TSPAN5: variants seen among roughly 807,000 people sequenced by gnomAD.
The protein encoded by TSPAN5 is tetraspanin-5.
In TSPAN5, 10 loss-of-function variants were observed where a neutral mutation model predicts 37.1. The observed-to-expected ratio is 0.27, with a 90% CI of 0.17 to 0.46. TSPAN5 has a LOEUF of 0.46. TSPAN5 is among the 20% of genes least tolerant of loss of function. The pLI is 1.00. For synonymous variants in TSPAN5, 110 were observed against 118.9 expected, an observed-to-expected ratio of 0.93 and a Z score of 0.48; for missense variants, 195 against 326.6, an observed-to-expected ratio of 0.60 and a Z score of 3.11.
intron 7 of TSPAN5, among the ~76,000 whole-genome samples, chr4:98,474,418 A>C (rs1368196084): frequency 6.6e-6 from 1 of 152,096 alleles, no homozygotes; most frequent in Non-Finnish European, 1.5e-5. Context: ...CAATGGCATG[A>C]TCTCAGCTCA....
intron 1 of TSPAN5, among the ~76,000 whole-genome samples, chr4:98,592,718 G>A (rs896716345): frequency 1.3e-5 from 2 of 150,348 alleles, no homozygotes; most frequent in Non-Finnish European, 3.0e-5. Flanking sequence ...ATAGTTTACT[G>A]AGAATGATGG....
intron 1 of TSPAN5, among the ~76,000 whole-genome samples, chr4:98,550,850 C>T (rs867765492): frequency 1.3e-5 from 2 of 152,054 alleles, no homozygotes; most frequent in South Asian, 4.1e-4. Flanking sequence ...TCCTCCTTTC[C>T]AATTTGGATG....
At chr4:98,514,413 A>G (rs1578959263) in intron 1 of TSPAN5, among the ~76,000 whole-genome samples, 1 of 152,340 alleles carries the variant, frequency 6.6e-6, no homozygotes, top group East Asian at 1.9e-4. Flanking sequence ...AGGAATAAAA[A>G]AACCTCTGGG....
chr4:98,520,406 A>G (rs1388196556), intron 1 of TSPAN5, among the ~76,000 whole-genome samples: 1 of 152,258 alleles, frequency 6.6e-6, no homozygotes, highest in Non-Finnish European at 1.5e-5. Flanking sequence ...GTGGCTAGGT[A>G]AGATGAGTTG....
At chr4:98,497,420 G>T (rs1010064939) in intron 2 of TSPAN5, among the ~76,000 whole-genome samples, 1 of 151,750 alleles carries the variant, frequency 6.6e-6, no homozygotes, top group Admixed American at 6.6e-5. Context: ...GAGGGCCCTC[G>T]CCAGGAACTG....
intron 2 of TSPAN5, among the ~76,000 whole-genome samples, chr4:98,497,594 T>C (rs1753243308): frequency 6.6e-6 from 1 of 152,252 alleles, no homozygotes; most frequent in African/African-American, 2.4e-5. Flanking sequence ...AGGTGAAGTC[T>C]GGACTAGCGG....
At chr4:98,490,842 C>A (rs1319721608) in intron 2 of TSPAN5, among the ~76,000 whole-genome samples, 1 of 152,026 alleles carries the variant, frequency 6.6e-6, no homozygotes, top group Admixed American at 6.6e-5. Context: ...GGGCAGATCA[C>A]GAGGTCAGGA....
At chr4:98,578,789 G>A (rs1297403027) in intron 1 of TSPAN5, among the ~76,000 whole-genome samples, 1 of 152,074 alleles carries the variant, frequency 6.6e-6, no homozygotes, top group African/African-American at 2.4e-5. Context: ...GGTAGACAGT[G>A]CCACTTTTCC....
Position 98,603,384 on chromosome 4 carries a change from G to A in TSPAN5, c.81+54762C>T, listed in dbSNP as rs76760984. Among the ~76,000 whole-genome samples, 579 of 152,238 alleles carry A rather than the reference G, an allele frequency of 3.8e-3. 7 individuals are homozygous for A. The highest frequency in any genetic ancestry group is 0.014 in the African/African-American group (561 of 41,534). On this transcript the variant is annotated intron_variant, in intron 1 of 7. Coordinates refer to ENST00000305798, the MANE Select transcript of TSPAN5 (RefSeq NM_005723.4). ...GATGTTGCTAAAGGACATTTACCCT[G>A]GGCCTTTTATAAAAGATCAGATTTC... is the stretch of plus-strand genomic sequence containing the variant.
chr4:98,493,061 T>C (rs1223391343), intron 2 of TSPAN5, among the ~76,000 whole-genome samples: 1 of 152,062 alleles, frequency 6.6e-6, no homozygotes, highest in African/African-American at 2.4e-5. Context: ...CCTGTAGTCC[T>C]AGCTACTTGG....
At chr4:98,657,744 G>A (rs1037059641) in intron 1 of TSPAN5, 1 of 266,044 alleles carries the variant, frequency 3.8e-6, no homozygotes, top group Non-Finnish European at 7.2e-6. Flanking sequence ...TGGACCTCAG[G>A]GTCGGCCGTG....
At chr4:98,553,932 TG>T (rs1754678619) in intron 1 of TSPAN5, among the ~76,000 whole-genome samples, 1 of 152,058 alleles carries the variant, frequency 6.6e-6, no homozygotes, top group Admixed American at 6.5e-5. Flanking sequence ...CTGGGCGTGA[TG>T]GCAGGCGCCT....
chr4:98,601,741 C>G (rs536219856), intron 1 of TSPAN5, among the ~76,000 whole-genome samples: 20 of 152,302 alleles, frequency 1.3e-4, no homozygotes, highest in African/African-American at 4.8e-4. Flanking sequence ...AATAACTTTT[C>G]CTTTGTATTC....
chr4:98,502,176 GT>G (rs1048113987), intron 2 of TSPAN5, among the ~76,000 whole-genome samples: 1 of 152,184 alleles, frequency 6.6e-6, no homozygotes, highest in African/African-American at 2.4e-5. Flanking sequence ...CACTTGTGTT[GT>G]TTTGAATGTG....
chr4:98,637,424 C>G (rs747704364), intron 1 of TSPAN5, among the ~76,000 whole-genome samples: 18 of 152,132 alleles, frequency 1.2e-4, no homozygotes, highest in Non-Finnish European at 2.6e-4. Flanking sequence ...CTATGGGTCT[C>G]AACTGATGAC....
chr4:98,615,511 AC>A (rs1756305367), intron 1 of TSPAN5, among the ~76,000 whole-genome samples: 1 of 152,184 alleles, frequency 6.6e-6, no homozygotes, highest in Non-Finnish European at 1.5e-5. Flanking sequence ...AAAAGAAAAA[AC>A]CTGGCATTAA....
chr4:98,497,956 C>T (rs1034629254), intron 2 of TSPAN5, among the ~76,000 whole-genome samples: 3 of 152,140 alleles, frequency 2.0e-5, no homozygotes, highest in Non-Finnish European at 2.9e-5. Flanking sequence ...GGGTTTGTAT[C>T]TGAGGGCATT....
At chr4:98,621,729 G>C (rs750272936) in intron 1 of TSPAN5, among the ~76,000 whole-genome samples, 1 of 151,992 alleles carries the variant, frequency 6.6e-6, no homozygotes, top group Non-Finnish European at 1.5e-5. Context: ...ATATAGTGCA[G>C]CCAGCACCAC....
At chr4:98,646,369 G>A (rs376492615) in intron 1 of TSPAN5, among the ~76,000 whole-genome samples, 3 of 152,122 alleles carry the variant, frequency 2.0e-5, no homozygotes, top group African/African-American at 7.2e-5. Flanking sequence ...ATACCATAAA[G>A]AACTAAAGAC....
Sources: gnomAD v4.1 joint callset for allele counts (sites outside exome capture counted in the v4.1 genomes callset) on GRCh38, gnomAD v4.1.1 for gene constraint, MANE v1.5 for transcripts, NCBI Gene and HGNC (gene_info 2026-07-23, HGNC 2026-07-21) for gene names.